PRKCB: variants seen among roughly 807,000 people sequenced by gnomAD.
PRKCB encodes protein kinase C beta type.
PRKCB carries 13 observed loss-of-function variants against 81.5 expected under a neutral mutation model. The observed-to-expected ratio is 0.16, with a 90% CI of 0.10 to 0.25. PRKCB has a LOEUF of 0.25. PRKCB is among the 10% of genes least tolerant of loss of function. The probability of loss-of-function intolerance (pLI) is 1.00; values close to 1 mark genes in which losing one functional copy is unlikely to be tolerated. For missense variants in PRKCB, 509 were observed against 875.7 expected (o/e 0.58, Z 5.29); for synonymous variants, 335 against 321.4 (o/e 1.04, Z -0.45).
At chr16:23,848,981 G>A (rs1156935230) in intron 2 of PRKCB, among the ~76,000 whole-genome samples, 1 of 152,212 alleles carries the variant, frequency 6.6e-6, no homozygotes, top group Non-Finnish European at 1.5e-5. Context: ...AAGAATGGAT[G>A]TGCTTACATG....
chr16:24,081,734 C>A (rs774620389), intron 5 of PRKCB, among the ~76,000 whole-genome samples: 1 of 151,888 alleles, frequency 6.6e-6, no homozygotes, highest in African/African-American at 2.4e-5. Context: ...ATTAGTCGGG[C>A]GTGGTGGCAG....
chr16:24,120,079 G>A (rs1966781572), intron 8 of PRKCB, among the ~76,000 whole-genome samples: 4 of 152,170 alleles, frequency 2.6e-5, no homozygotes, highest in Admixed American at 2.6e-4. Context: ...ATTTTGATGA[G>A]TGAAAGAAGC....
intron 2 of PRKCB, among the ~76,000 whole-genome samples, chr16:23,901,328 T>C (rs956035007): frequency 1.3e-5 from 2 of 152,048 alleles, no homozygotes; most frequent in African/African-American, 4.8e-5. Flanking sequence ...GTAGACAGCA[T>C]GGGTTCTCTT....
At chr16:23,882,017 T>TTC (rs1567301094) in intron 2 of PRKCB, among the ~76,000 whole-genome samples, 170 of 15,644 alleles carry the variant, frequency 0.011, 4 homozygotes, top group African/African-American at 0.017. Flanking sequence ...TTTCTTTCTT[T>TTC]CTTTCTTCCT....
chr16:24,000,151 A>C (rs1486996935), intron 3 of PRKCB, among the ~76,000 whole-genome samples: 1 of 152,224 alleles, frequency 6.6e-6, no homozygotes, highest in Non-Finnish European at 1.5e-5. Flanking sequence ...CCAGTGCCTC[A>C]TTGGAGAGGA....
intron 3 of PRKCB, among the ~76,000 whole-genome samples, chr16:24,018,798 C>G (rs1227078041): frequency 6.6e-6 from 1 of 152,200 alleles, no homozygotes; most frequent in African/African-American, 2.4e-5. Flanking sequence ...TCTCCAGGAA[C>G]AAAATGAAAG....
intron 9 of PRKCB, among the ~76,000 whole-genome samples, chr16:24,137,534 G>A (rs905445740): frequency 2.0e-5 from 3 of 152,050 alleles, no homozygotes; most frequent in East Asian, 1.9e-4. Flanking sequence ...GAAAAATATC[G>A]CAAAGATAAA....
chr16:23,962,079 T>C (rs1049086247), intron 2 of PRKCB, among the ~76,000 whole-genome samples: 3 of 152,164 alleles, frequency 2.0e-5, no homozygotes, highest in African/African-American at 7.2e-5. Context: ...TCTGCTCTTC[T>C]CTTTCTCTGT....
At chr16:24,075,854 C>T (rs1966169907) in intron 5 of PRKCB, among the ~76,000 whole-genome samples, 1 of 152,200 alleles carries the variant, frequency 6.6e-6, no homozygotes, top group African/African-American at 2.4e-5. Context: ...ACATCAGAGT[C>T]ATCTGGAAAG....
Position 24,021,350 on chromosome 16 carries a change from CCTT to C in PRKCB, c.289-10784_289-10782del, listed in dbSNP as rs1567347380. 1.8e-3 allele frequency among the ~76,000 whole-genome samples: 141 copies of C among 80,066 alleles called. 18 individuals carry two copies. The highest frequency in any genetic ancestry group is 2.7e-3 in the Non-Finnish European group (115 of 43,096). The allele number at this position is 80,066 out of a possible 152,430, so 52.5% of individuals were successfully genotyped here. On this transcript the variant is annotated intron_variant, in intron 3 of 16. Transcript: ENST00000643927. The stretch of plus-strand genomic sequence containing the variant: ...TCCTTCCTTCCTTCCTTCCTTCCTT[CCTT>C]CCTCCTTCCCTCCCTCCCTCCCCCC...
chr16:23,848,355 G>T (rs895245505), intron 2 of PRKCB, among the ~76,000 whole-genome samples: 3 of 152,216 alleles, frequency 2.0e-5, no homozygotes, highest in African/African-American at 7.2e-5. Context: ...TCAGGCAGGA[G>T]AAACTGAAAT....
At chr16:23,916,972 G>T (rs556215706) in intron 2 of PRKCB, among the ~76,000 whole-genome samples, 1 of 151,776 alleles carries the variant, frequency 6.6e-6, no homozygotes, top group East Asian at 1.9e-4. Context: ...GACAGGGTTT[G>T]TCCCTGTTGC....
intron 2 of PRKCB, among the ~76,000 whole-genome samples, chr16:23,931,183 G>A (rs900294408): frequency 1.8e-4 from 28 of 152,176 alleles, no homozygotes. Flanking sequence ...CTTTAATGCC[G>A]CTGTTAGCCC....
intron 9 of PRKCB, among the ~76,000 whole-genome samples, chr16:24,153,100 T>C (rs566358984): frequency 6.6e-6 from 1 of 152,218 alleles, no homozygotes; most frequent in Non-Finnish European, 1.5e-5. Flanking sequence ...CCAGACCTTT[T>C]GCTGCTGGGA....
chr16:23,963,799 C>G (rs1353524789), intron 2 of PRKCB: 1 of 152,226 alleles, frequency 6.6e-6, no homozygotes, highest in African/African-American at 2.4e-5. Context: ...TAAGGAACTC[C>G]CCTTTTCTCA....
At chr16:24,134,419 A>G (rs142591496) in intron 9 of PRKCB, among the ~76,000 whole-genome samples, 1 of 152,252 alleles carries the variant, frequency 6.6e-6, no homozygotes, top group Non-Finnish European at 1.5e-5. Context: ...TGAGCAACAT[A>G]GCAAGACCTG....
intron 2 of PRKCB, among the ~76,000 whole-genome samples, chr16:23,933,325 A>T (rs1002006734): frequency 7.2e-5 from 11 of 152,198 alleles, no homozygotes; most frequent in Admixed American, 6.5e-4. Context: ...GAGCACTGTC[A>T]TTCTTGAGAC....
At chr16:23,945,889 T>G (rs563700244) in intron 2 of PRKCB, among the ~76,000 whole-genome samples, 18 of 152,182 alleles carry the variant, frequency 1.2e-4, no homozygotes, top group Admixed American at 1.1e-3. Flanking sequence ...AGGGAAGAGA[T>G]CCACGCCATT....
rs111661235 is a variant in PRKCB, at chr16:24,051,282, C to A, written c.529+15735C>A. 3.1e-3 allele frequency among the ~76,000 whole-genome samples: 478 copies of A among 152,246 alleles called. 2 individuals are homozygous for A. The highest frequency in any genetic ancestry group is 0.011 in the African/African-American group (454 of 41,532). On this transcript the variant is annotated intron_variant, in intron 5 of 16. Transcript: ENST00000643927. Reference sequence around the variant, plus strand: ...GAGAAGGAGCAGGTAGGGCGGGAAACCAGCCTTAGGGCTGGCTGGTTTGAA... The same window carrying A: ...GAGAAGGAGCAGGTAGGGCGGGAAAACAGCCTTAGGGCTGGCTGGTTTGAA...
Sources: gnomAD v4.1 joint callset for allele counts (sites outside exome capture counted in the v4.1 genomes callset) on GRCh38, gnomAD v4.1.1 for gene constraint, MANE v1.5 for transcripts, NCBI Gene and HGNC (gene_info 2026-07-23, HGNC 2026-07-21) for gene names.